Variants in CLASP1 observed in about 807,000 individuals in gnomAD.
CLASP1 encodes cytoplasmic linker associated protein 1, also known as CLIP-associating protein 1.
In CLASP1, 38 loss-of-function variants were observed where a neutral mutation model predicts 192.3. That is an observed-to-expected ratio of 0.20 (90% CI 0.15 to 0.26). The LOEUF is 0.26. CLASP1 is among the 10% of genes least tolerant of loss of function. The pLI, the probability that CLASP1 is intolerant of heterozygous loss-of-function variation, is 1.00. For missense variants in CLASP1, 1,433 were observed against 1,932.5 expected, an observed-to-expected ratio of 0.74 and a Z score of 4.85; for synonymous variants, 691 against 712.8, an observed-to-expected ratio of 0.97 and a Z score of 0.49.
At chr2:121,407,617 G>A (rs754379603) in exon 25 of CLASP1, 6 of 1,613,862 alleles carry the variant, frequency 3.7e-6, no homozygotes, top group African/African-American at 2.7e-5. Flanking sequence ...CATTCCTGGA[G>A]CCATATGAGC....
intron 1 of CLASP1, among the ~76,000 whole-genome samples, chr2:121,644,692 T>C (rs1231187550): frequency 1.3e-5 from 2 of 151,758 alleles, no homozygotes; most frequent in South Asian, 4.2e-4. Context: ...CCAGGCTTCC[T>C]AGCACTTTGG....
intron 25 of CLASP1, among the ~76,000 whole-genome samples, chr2:121,406,981 G>A (rs1326094813): frequency 2.0e-5 from 3 of 152,174 alleles, no homozygotes; most frequent in Non-Finnish European, 4.4e-5. Flanking sequence ...ACTTTGGGGG[G>A]CAAAGGCAGC....
At position 121,530,600 on chromosome 2, in the gene CLASP1, A is replaced by G. The variant is rs1226290997; in HGVS notation, c.196-275T>C. The G allele has an allele frequency of 7.4e-6, 4 of 537,562 alleles. No individual in the cohort carries two copies. The East Asian group carries it at 8.7e-5, about 12-fold the overall frequency. The allele number at this position is 537,562 out of a possible 1,614,324, so 33.3% of individuals were successfully genotyped here. A position where few individuals can be genotyped will look rare whatever the true frequency, so the allele number is the denominator to read the frequency against. On this transcript the variant is annotated intron_variant, in intron 2 of 39. Coordinates refer to ENST00000263710, the Ensembl canonical transcript of CLASP1. ...CCGGGTTAGCTGCGGGTGGAGTTCAAGAGCGCGCCGCGGTCCCGCCCCCGC... is the reference window on the plus strand; with the variant it reads ...CCGGGTTAGCTGCGGGTGGAGTTCAGGAGCGCGCCGCGGTCCCGCCCCCGC...
At chr2:121,583,648 T>C (rs1030629430) in intron 2 of CLASP1, among the ~76,000 whole-genome samples, 1 of 152,200 alleles carries the variant, frequency 6.6e-6, no homozygotes, top group Admixed American at 6.5e-5. Flanking sequence ...AGTACCCATA[T>C]AGTACTTATC....
At position 121,612,750 on chromosome 2, in the gene CLASP1, T is replaced by G. The variant is rs190805406; in HGVS notation, c.-285-6570A>C. On this transcript the variant is annotated intron_variant, in intron 1 of 39. Transcript: ENST00000263710. The stretch of plus-strand genomic sequence containing the variant: ...GTAAAAACCAGGTCTATTAGTCTAT[T>G]ATATTTAAGACACAATGGGAGGCAC... Among the ~76,000 whole-genome samples, 58 of 152,300 alleles carry G rather than the reference T, an allele frequency of 3.8e-4. No homozygotes were observed. In the South Asian group the frequency reaches 4.4e-3, roughly 11 times the overall value.
At chr2:121,394,677 C>T (rs550101772) in intron 30 of CLASP1, among the ~76,000 whole-genome samples, 4 of 152,246 alleles carry the variant, frequency 2.6e-5, no homozygotes, top group Middle Eastern at 3.4e-3. Flanking sequence ...GTCAGGAGTT[C>T]GAGACCAGCC....
chr2:121,644,832 C>T (rs577674106), intron 1 of CLASP1, among the ~76,000 whole-genome samples: 8 of 152,036 alleles, frequency 5.3e-5, no homozygotes, highest in African/African-American at 9.6e-5. Context: ...GTGGTGCATG[C>T]CTGTAGTCCC....
chr2:121,630,701 T>A (rs1005036898), intron 1 of CLASP1, among the ~76,000 whole-genome samples: 1 of 148,190 alleles, frequency 6.7e-6, no homozygotes, highest in Admixed American at 6.8e-5. Flanking sequence ...CTGTCTCTAC[T>A]GAAAATAAAA....
chr2:121,353,894 G>A (rs750217591), intron 37 of CLASP1, among the ~76,000 whole-genome samples: 7 of 152,144 alleles, frequency 4.6e-5, no homozygotes, highest in South Asian at 2.1e-4. Context: ...GGGCTCAAGC[G>A]ATCCTCCTAC....
chr2:121,557,411 C>T (rs2058666098), intron 2 of CLASP1, among the ~76,000 whole-genome samples: 1 of 151,852 alleles, frequency 6.6e-6, no homozygotes, highest in Non-Finnish European at 1.5e-5. Flanking sequence ...TGGTGAAACC[C>T]CATCTCTACT....
chr2:121,512,068 A>T (rs187750409), intron 7 of CLASP1, among the ~76,000 whole-genome samples: 23 of 152,350 alleles, frequency 1.5e-4, no homozygotes, highest in African/African-American at 5.5e-4. Flanking sequence ...TGTGTTTTTT[A>T]AAAAAGTAGT....
intron 2 of CLASP1, among the ~76,000 whole-genome samples, chr2:121,603,694 G>C (rs1302531537): frequency 6.6e-6 from 1 of 152,126 alleles, no homozygotes; most frequent in Non-Finnish European, 1.5e-5. Context: ...ACAGAGAATG[G>C]ATAAAGAAAA....
intron 2 of CLASP1, among the ~76,000 whole-genome samples, chr2:121,568,911 G>C (rs1367392964): frequency 6.6e-6 from 1 of 152,104 alleles, no homozygotes; most frequent in Non-Finnish European, 1.5e-5. Context: ...TGGAGGAATA[G>C]AATTGATAGG....
At chr2:121,423,851 T>C (rs1344544457) in intron 22 of CLASP1, among the ~76,000 whole-genome samples, 1 of 152,196 alleles carries the variant, frequency 6.6e-6, no homozygotes, top group East Asian at 1.9e-4. Context: ...TCAAATCTTA[T>C]CCATTCTTAA....
At chr2:121,401,429 T>C (rs1255239549) in intron 28 of CLASP1, 80 bp downstream of exon 29, 3 of 1,114,742 alleles carry the variant, frequency 2.7e-6, no homozygotes, top group African/African-American at 1.6e-5. Context: ...ACAAAGGCCA[T>C]GGGTAACAAA....
chr2:121,401,328 G>A (rs140645537), intron 28 of CLASP1, among the ~76,000 whole-genome samples, 181 bp downstream of exon 29: 16 of 152,238 alleles, frequency 1.1e-4, no homozygotes, highest in African/African-American at 3.9e-4. Context: ...AGGAAGATAT[G>A]GTATTTCATT....
At chr2:121,406,738 T>C (rs557307130) in intron 25 of CLASP1, among the ~76,000 whole-genome samples, 5 of 152,172 alleles carry the variant, frequency 3.3e-5, no homozygotes, top group South Asian at 2.1e-4. Flanking sequence ...TACAGATGCA[T>C]ATCACCACAT....
In CLASP1 at chr2:121,530,974, G is replaced by A. The variant is rs774196943; in HGVS notation, c.196-649C>T. ...GAACAACACACCCGCATCAACTAGA[G>A]CTTTTGCTTTATTTTGGTGCAATTT... On this transcript the variant is annotated intron_variant, in intron 2 of 39. Transcript: ENST00000263710. 9.4e-5 allele frequency: 66 copies of A among 700,232 alleles called. No homozygotes were observed. The highest frequency in any genetic ancestry group is 2.8e-4 in the South Asian group (19 of 67,504). 43.4% of individuals were successfully genotyped at this position (700,232 alleles called of 1,614,324 possible).
rs968528385 is a variant in CLASP1, at chr2:121,454,835, C to T, written c.1385+2852G>A. On this transcript the variant is annotated intron_variant, in intron 14 of 39. Transcript: ENST00000263710. ...ATTTCTCTTGGAAACCTAACAATAGCGAAATGAAAACAACAGCAGCAAAAT... is the reference window on the plus strand; with the variant it reads ...ATTTCTCTTGGAAACCTAACAATAGTGAAATGAAAACAACAGCAGCAAAAT... Among the ~76,000 whole-genome samples, 6 of 152,132 alleles carry T rather than the reference C, an allele frequency of 3.9e-5. No homozygotes were observed. In the East Asian group the frequency reaches 7.7e-4, roughly 20 times the overall value.
Sources: gnomAD v4.1 joint callset for allele counts (sites outside exome capture counted in the v4.1 genomes callset) on GRCh38, gnomAD v4.1.1 for gene constraint, MANE v1.5 for transcripts, NCBI Gene and HGNC (gene_info 2026-07-23, HGNC 2026-07-21) for gene names.